The following RGS6 variants were observed in gnomAD, a reference collection of about 807,000 sequenced individuals.
RGS6 encodes regulator of G protein signaling 6, also known as regulator of G-protein signaling 6.
Under a neutral mutation model 78.5 loss-of-function variants are expected in RGS6, and 30 were observed. The ratio of observed to expected loss-of-function variants is 0.38; its 90% confidence interval spans 0.29 to 0.52. RGS6 has a LOEUF of 0.52. Ranked by LOEUF, RGS6 falls within the 20% of genes least tolerant of loss-of-function variation. RGS6 has a pLI of 0.85. For missense variants in RGS6, 495 were observed against 609.7 expected, an observed-to-expected ratio of 0.81 and a Z score of 1.98; for synonymous variants, 206 against 206.0, an observed-to-expected ratio of 1.00 and a Z score of 0.00.
intron 2 of RGS6, among the ~76,000 whole-genome samples, chr14:72,262,707 C>G (rs2058374914): frequency 6.6e-6 from 1 of 152,182 alleles, no homozygotes; most frequent in Non-Finnish European, 1.5e-5. Context: ...ACTTTTAGAA[C>G]CAATTACCTG....
chr14:72,076,651 C>T (rs2094584444), intron 2 of RGS6, among the ~76,000 whole-genome samples: 1 of 152,106 alleles, frequency 6.6e-6, no homozygotes, highest in Admixed American at 6.5e-5. Flanking sequence ...ACCTAAACCT[C>T]CTGAGTAGCT....
intron 3 of RGS6, among the ~76,000 whole-genome samples, chr14:72,364,558 A>G (rs1318836713): frequency 6.6e-6 from 1 of 152,190 alleles, no homozygotes; most frequent in African/African-American, 2.4e-5. Flanking sequence ...TTCCATTTCA[A>G]CAGCAACAGC....
chr14:72,540,971 C>A (rs763266074), intron 17 of RGS6: 13 of 1,251,184 alleles, frequency 1.0e-5, no homozygotes, highest in South Asian at 1.3e-5. Flanking sequence ...GTTTGTAGAA[C>A]AACACAGGCC....
chr14:71,983,794 C>A (rs796683572), intron 2 of RGS6, among the ~76,000 whole-genome samples: 31 of 152,346 alleles, frequency 2.0e-4, no homozygotes, highest in African/African-American at 7.0e-4. Flanking sequence ...TCCAAATGAA[C>A]TTACATACGC....
At chr14:71,971,906 G>GTTTT (rs57854685) in intron 2 of RGS6, among the ~76,000 whole-genome samples, 1 of 104,448 alleles carries the variant, frequency 9.6e-6, no homozygotes, top group Non-Finnish European at 1.9e-5. Context: ...AATATGGCAG[G>GTTTT]TTTTTTTTTT....
intron 17 of RGS6, chr14:72,547,051 C>T: frequency 2.2e-6 from 2 of 898,324 alleles, no homozygotes; most frequent in East Asian, 2.6e-5. Context: ...TGGGCTCCCA[C>T]CTGCCTAGTA....
the RGS6 span, among the ~76,000 whole-genome samples, chr14:72,585,324 G>A: frequency 3.5e-4 from 53 of 152,300 alleles, no homozygotes; most frequent in African/African-American, 1.3e-3. Context: ...CTCAAGCCAG[G>A]AGGATAGACA....
intron 2 of RGS6, among the ~76,000 whole-genome samples, chr14:72,059,787 C>A (rs2093801318): frequency 6.6e-6 from 1 of 152,048 alleles, no homozygotes; most frequent in African/African-American, 2.4e-5. Context: ...GAGAAAAGGT[C>A]ATGTAAGGAC....
intron 3 of RGS6, among the ~76,000 whole-genome samples, chr14:72,352,916 A>G (rs1264552926): frequency 2.6e-5 from 4 of 152,224 alleles, no homozygotes; most frequent in African/African-American, 4.8e-5. Context: ...AAGTAACCAA[A>G]TAAATTAAGA....
chr14:72,588,901 G>A, the RGS6 span, among the ~76,000 whole-genome samples: 2 of 152,098 alleles, frequency 1.3e-5, no homozygotes. Flanking sequence ...CAGGTGCCCC[G>A]TCAAGCCAGC....
At chr14:72,493,402 A>T (rs1427227102) in intron 12 of RGS6, among the ~76,000 whole-genome samples, 1 of 152,202 alleles carries the variant, frequency 6.6e-6, no homozygotes, top group Admixed American at 6.5e-5. Context: ...GCTCAAAATT[A>T]AAAAATAAAT....
the RGS6 span, among the ~76,000 whole-genome samples, chr14:72,590,710 C>T: frequency 2.6e-5 from 4 of 152,154 alleles, no homozygotes; most frequent in East Asian, 3.8e-4. Flanking sequence ...TAACCATTTG[C>T]GAGGCGGGGA....
At chr14:72,241,729 G>T (rs1024740446) in intron 2 of RGS6, among the ~76,000 whole-genome samples, 39 of 152,162 alleles carry the variant, frequency 2.6e-4, no homozygotes, top group Admixed American at 2.0e-3. Flanking sequence ...ATATTTGAGA[G>T]TACCTCTAAT....
intron 3 of RGS6, among the ~76,000 whole-genome samples, chr14:72,357,029 G>T (rs1361040845): frequency 6.6e-6 from 1 of 152,168 alleles, no homozygotes; most frequent in Non-Finnish European, 1.5e-5. Flanking sequence ...CCAGCACTTT[G>T]GGAGGCCATG....
chr14:72,386,683 T>A (rs2088179508), intron 3 of RGS6, among the ~76,000 whole-genome samples: 1 of 152,216 alleles, frequency 6.6e-6, no homozygotes, highest in African/African-American at 2.4e-5. Context: ...CAGAGCCCCA[T>A]GATCCCTATC....
At chr14:72,059,189 C>T (rs186484694) in intron 2 of RGS6, among the ~76,000 whole-genome samples, 17 of 152,212 alleles carry the variant, frequency 1.1e-4, no homozygotes, top group African/African-American at 3.6e-4. Flanking sequence ...CGTGAGCCAC[C>T]GCGCCTTCCT....
intron 2 of RGS6, among the ~76,000 whole-genome samples, chr14:72,111,362 G>A (rs578053713): frequency 6.6e-6 from 1 of 152,214 alleles, no homozygotes; most frequent in South Asian, 2.1e-4. Context: ...AAATTTAACT[G>A]GTGAATGGCC....
chr14:72,437,272 C>T (rs1470776845), intron 3 of RGS6, among the ~76,000 whole-genome samples: 2 of 130,650 alleles, frequency 1.5e-5, no homozygotes, highest in African/African-American at 5.6e-5. Flanking sequence ...ACCCAGGAGG[C>T]GGGGGTTGCA....
intron 2 of RGS6, among the ~76,000 whole-genome samples, chr14:72,251,969 T>C (rs2055905089): frequency 6.6e-6 from 1 of 152,228 alleles, no homozygotes; most frequent in Non-Finnish European, 1.5e-5. Flanking sequence ...TTGTTGAAGG[T>C]GTAGAGAACT....
Sources: allele counts gnomAD v4.1 joint callset (sites outside exome capture counted in the v4.1 genomes callset), GRCh38; gene constraint gnomAD v4.1.1; transcripts MANE v1.5; gene names NCBI Gene and HGNC (gene_info 2026-07-23, HGNC 2026-07-21).